The following KCNK10 variants were observed in gnomAD, a reference collection of about 807,000 sequenced individuals.
The protein encoded by KCNK10 is potassium two pore domain channel subfamily K member 10.
Under a neutral mutation model 47.7 loss-of-function variants are expected in KCNK10, and 25 were observed. That is an observed-to-expected ratio of 0.52 (90% CI 0.38 to 0.73). The LOEUF (loss-of-function observed/expected upper bound fraction) is 0.73, where lower values mean the gene tolerates loss of function less well. KCNK10 is among the 30% of genes least tolerant of loss of function. The pLI is 0.00. For synonymous variants in KCNK10, 303 were observed against 285.6 expected (o/e 1.06, Z -0.61); for missense variants, 563 against 714.5 (o/e 0.79, Z 2.42).
chr14:88,278,088 A>G (rs368394), intron 1 of KCNK10, among the ~76,000 whole-genome samples: 31,740 of 152,160 alleles, frequency 0.21, 5,402 homozygotes, highest in African/African-American at 0.47. Context: ...GCTGTCCAGG[A>G]ATGGATGAGT....
chr14:88,290,974 T>C (rs1887863610), intron 1 of KCNK10, among the ~76,000 whole-genome samples: 1 of 152,248 alleles, frequency 6.6e-6, no homozygotes, highest in Non-Finnish European at 1.5e-5. Context: ...AGAACCGTGC[T>C]GTGGGAAGAG....
intron 4 of KCNK10, among the ~76,000 whole-genome samples, chr14:88,209,401 C>T (rs1330678768): frequency 6.6e-6 from 1 of 152,218 alleles, no homozygotes; most frequent in Non-Finnish European, 1.5e-5. Context: ...TGAACACTTG[C>T]AGCCAGTGAA....
intron 1 of KCNK10, among the ~76,000 whole-genome samples, chr14:88,265,192 T>C (rs1360931527): frequency 1.3e-5 from 2 of 152,200 alleles, no homozygotes; most frequent in Admixed American, 6.5e-5. Flanking sequence ...GTCCACATCC[T>C]AATCCCCAAG....
At chr14:88,315,874 TG>T (rs1457193926) in intron 1 of KCNK10, among the ~76,000 whole-genome samples, 1 of 151,954 alleles carries the variant, frequency 6.6e-6, no homozygotes, top group Admixed American at 6.6e-5. Flanking sequence ...TTTGGGGGGA[TG>T]GCGGTGGGGA....
chr14:88,257,888 G>A (rs1887000986), intron 2 of KCNK10, among the ~76,000 whole-genome samples: 1 of 152,078 alleles, frequency 6.6e-6, no homozygotes, highest in Non-Finnish European at 1.5e-5. Context: ...ATGTTGAACT[G>A]GATAATTCTT....
chr14:88,321,039 G>T (rs1272310112), intron 1 of KCNK10, among the ~76,000 whole-genome samples: 4 of 152,108 alleles, frequency 2.6e-5, no homozygotes, highest in Non-Finnish European at 4.4e-5. Context: ...ATTTCCAGAG[G>T]TTTCAAATAG....
At chr14:88,314,638 G>A (rs1192037836) in intron 1 of KCNK10, among the ~76,000 whole-genome samples, 2 of 152,158 alleles carry the variant, frequency 1.3e-5, no homozygotes, top group Non-Finnish European at 2.9e-5. Flanking sequence ...TATCAGGAGG[G>A]TTGTGCTCTG....
chr14:88,251,487 G>A (rs917953440), intron 2 of KCNK10, among the ~76,000 whole-genome samples: 31 of 152,036 alleles, frequency 2.0e-4, no homozygotes, highest in Admixed American at 4.6e-4. Context: ...GCCCATAAAG[G>A]CTTCCCCCAA....
In KCNK10 at chr14:88,185,482, AAC is replaced by A. The variant is rs144490234; in HGVS notation, c.*51_*52del. On this transcript the variant is annotated 3_prime_UTR_variant, in exon 7 of 7. Transcript: ENST00000319231. The surrounding 1 kb of genome is among the most constrained non-coding windows in gnomAD (Gnocchi z 4.3). ...CACATGTCTCAGTGTGAATATTAAA[AAC>A]ACACACACACACACACACAACGCTC... is the stretch of plus-strand genomic sequence containing the variant. The A allele has an allele frequency of 6.6e-3, 8,784 of 1,340,020 alleles. No individual in the cohort carries two copies. The highest frequency in any genetic ancestry group is 0.014 in the South Asian group (905 of 65,064). The allele number at this position is 1,340,020 out of a possible 1,614,324, so 83.0% of individuals were successfully genotyped here.
At chr14:88,272,653 G>A (rs945388267) in intron 1 of KCNK10, among the ~76,000 whole-genome samples, 3 of 152,134 alleles carry the variant, frequency 2.0e-5, no homozygotes, top group Non-Finnish European at 4.4e-5. Context: ...ATTAATGAGC[G>A]TGGGAAGCCA....
intron 1 of KCNK10, among the ~76,000 whole-genome samples, chr14:88,278,570 T>A (rs17124404): frequency 0.16 from 24,735 of 152,150 alleles, 2,283 homozygotes; most frequent in East Asian, 0.42. Context: ...TGATGCAAGA[T>A]CTTCGTAAAC....
At chr14:88,263,071 C>T in intron 2 of KCNK10, 131 bp downstream of exon 2, 1 of 697,330 alleles carries the variant, frequency 1.4e-6, no homozygotes, top group Non-Finnish European at 2.4e-6. Flanking sequence ...CACATGTCAC[C>T]TCCCTGGAGA....
At chr14:88,219,669 T>C (rs531935454) in intron 4 of KCNK10, among the ~76,000 whole-genome samples, 1 of 152,332 alleles carries the variant, frequency 6.6e-6, no homozygotes, top group African/African-American at 2.4e-5. Context: ...AATTCTAATT[T>C]TGTTCATCAC....
intron 6 of KCNK10, among the ~76,000 whole-genome samples, chr14:88,187,531 T>C (rs1389110250): frequency 6.6e-6 from 1 of 152,080 alleles, no homozygotes; most frequent in Non-Finnish European, 1.5e-5. Context: ...AGCTGGTCAA[T>C]GTTCGATGAT....
At position 88,183,461 on chromosome 14, in the gene KCNK10, A is replaced by G. The variant is rs973746920; in HGVS notation, c.*2074T>C. ...AATTAGGAAGCTTCGACTTGTTAGA[A>G]TAACAGAGGAAGTCCCAGTTATCTA... On this transcript the variant is annotated 3_prime_UTR_variant, in exon 7 of 7. Transcript: ENST00000319231. The G allele has an allele frequency of 1.3e-5, 2 of 152,402 alleles. No individual in the cohort carries two copies. The highest frequency in any genetic ancestry group is 4.8e-5 in the African/African-American group (2 of 41,472). 9.4% of individuals were successfully genotyped at this position (152,402 alleles called of 1,614,324 possible).
intron 1 of KCNK10, among the ~76,000 whole-genome samples, chr14:88,312,699 A>C (rs1010405513): frequency 3.9e-5 from 6 of 152,234 alleles, no homozygotes; most frequent in African/African-American, 1.4e-4. Context: ...AGTCAGAAAA[A>C]ATAGGGTGGA....
At chr14:88,259,328 T>C (rs911336996) in intron 2 of KCNK10, among the ~76,000 whole-genome samples, 19 of 152,228 alleles carry the variant, frequency 1.2e-4, no homozygotes, top group Admixed American at 9.2e-4. Context: ...AGAAAGACTG[T>C]AGATAAACAC....
Sources: allele counts gnomAD v4.1 joint callset (sites outside exome capture counted in the v4.1 genomes callset), GRCh38; gene constraint gnomAD v4.1.1; non-coding constraint Gnocchi (gnomAD v3.1); transcripts MANE v1.5; gene names NCBI Gene and HGNC (gene_info 2026-07-23, HGNC 2026-07-21).